The following OSTC variants were observed in gnomAD, a reference collection of about 807,000 sequenced individuals.
The protein encoded by OSTC is oligosaccharyltransferase complex non-catalytic subunit, also known as oligosaccharyltransferase complex subunit OSTC.
Under a neutral mutation model 16.4 loss-of-function variants are expected in OSTC, and 16 were observed. The ratio of observed to expected loss-of-function variants is 0.98; its 90% CI spans 0.66 to 1.49. OSTC has a LOEUF of 1.49. Among genes scored for constraint, OSTC ranks in the 40% most tolerant of loss-of-function variants. The pLI, the probability that OSTC is intolerant of heterozygous loss-of-function variation, is 0.00. For missense variants in OSTC, 139 were observed against 186.3 expected, an observed-to-expected ratio of 0.75 and a Z score of 1.48; for synonymous variants, 67 against 68.5, an observed-to-expected ratio of 0.98 and a Z score of 0.11.
At chr4:108,651,123 C>G (rs1243545079) in intron 1 of OSTC, 2 of 250,366 alleles carry the variant, frequency 8.0e-6, no homozygotes, top group South Asian at 1.1e-4. Flanking sequence ...GATAAATGTC[C>G]TGGGAAAGCC....
rs890757338 is a variant in OSTC, at chr4:108,667,337, C to G, written c.*72C>G. On this transcript the variant is annotated 3_prime_UTR_variant, in exon 4 of 4. Coordinates refer to ENST00000361564, the MANE Select transcript of OSTC (RefSeq NM_021227.4). ...ATGAAGTTTTAAAGGCTGTACCAAT[C>G]CTCTAATATGAAATGTGGAAAAGAA... The G allele has an allele frequency of 4.9e-6, 6 of 1,229,196 alleles. No individual in the cohort carries two copies. The highest frequency in any genetic ancestry group is 2.1e-5 in the Admixed American group (1 of 47,370). The allele number at this position is 1,229,196 out of a possible 1,614,324, so 76.1% of individuals were successfully genotyped here.
At chr4:108,662,673 A>T (rs1341058477) in intron 3 of OSTC, among the ~76,000 whole-genome samples, 1 of 152,208 alleles carries the variant, frequency 6.6e-6, no homozygotes, top group Non-Finnish European at 1.5e-5. Flanking sequence ...CTTTTAAATC[A>T]GTTCTGGCTG....
Position 108,667,299 on chromosome 4 carries a change from T to C in OSTC, c.*34T>C. 9 of 1,592,116 alleles carry C rather than the reference T, an allele frequency of 5.7e-6. No homozygotes were observed. The highest frequency in any genetic ancestry group is 7.7e-6 in the Non-Finnish European group (9 of 1,163,978). On this transcript the variant is annotated 3_prime_UTR_variant, in exon 4 of 4. Transcript: ENST00000361564. ...TGAGAAGAAATCAGTGGATACTGGA[T>C]TTGCTCCTGTCAATGAAGTTTTAAA... is the stretch of plus-strand genomic sequence containing the variant.
chr4:108,655,942 C>CT (rs939199344), intron 2 of OSTC, among the ~76,000 whole-genome samples: 3 of 151,138 alleles, frequency 2.0e-5, no homozygotes, highest in African/African-American at 7.3e-5. Context: ...ACTATAGCTG[C>CT]TTTTTTTTTC....
intron 3 of OSTC, 120 bp downstream of exon 3, chr4:108,657,767 C>T: frequency 1.1e-6 from 1 of 884,644 alleles, no homozygotes; most frequent in Middle Eastern, 2.8e-4. Context: ...AATCCAGAAA[C>T]CAAATATATT....
intron 3 of OSTC, among the ~76,000 whole-genome samples, chr4:108,662,768 A>G (rs1173312496): frequency 1.3e-5 from 2 of 152,160 alleles, no homozygotes; most frequent in East Asian, 3.8e-4. Context: ...TTGGAGCTAT[A>G]TTTTAGAGAG....
rs768676486 is a variant in OSTC, at chr4:108,650,606, C to T, written c.-50C>T. On this transcript the variant is annotated 5_prime_UTR_variant, in exon 1 of 4. Coordinates refer to ENST00000361564, the MANE Select transcript of OSTC (RefSeq NM_021227.4). ...TTGTTAGGGAGGGCGGGCCTGTTTC[C>T]GGGAGGCGCGTGGGGCTTGAGGCCG... is the stretch of plus-strand genomic sequence containing the variant. 4 of 1,604,788 alleles carry T rather than the reference C, an allele frequency of 2.5e-6. No homozygotes were observed. The Admixed American group carries it at 5.1e-5, about 20-fold the overall frequency.
intron 3 of OSTC, chr4:108,663,361 A>G (rs559776358): frequency 5.6e-6 from 2 of 356,772 alleles, no homozygotes; most frequent in African/African-American, 2.2e-5. Context: ...ACAGGCGCCC[A>G]CCACCATGCC....
chr4:108,655,773 G>A, intron 2 of OSTC, 116 bp downstream of exon 2: 1 of 676,594 alleles, frequency 1.5e-6, no homozygotes, highest in Non-Finnish European at 2.5e-6. Flanking sequence ...GACAACAGCT[G>A]TTTTAAAATG....
Position 108,655,671 on chromosome 4 carries a change from T to C in OSTC, c.233+14T>C, listed in dbSNP as rs1412659665. On this transcript the variant is annotated intron_variant, in intron 2 of 3. Coordinates refer to ENST00000361564, the MANE Select transcript of OSTC (RefSeq NM_021227.4). ...CTTGGCCTACAGGTAAAAGATACCT[T>C]TTTGAATGATTTGGTGGTGGGAAAG... 2 of 1,559,390 alleles carry C rather than the reference T, an allele frequency of 1.3e-6. No individual in the cohort carries two copies. The highest frequency in any genetic ancestry group is 1.1e-5 in the South Asian group (1 of 89,336).
At chr4:108,657,128 T>C (rs2110383348) in intron 2 of OSTC, among the ~76,000 whole-genome samples, 1 of 152,260 alleles carries the variant, frequency 6.6e-6, no homozygotes, top group South Asian at 2.1e-4. Context: ...AATATGAGTA[T>C]TTATTTTACA....
chr4:108,659,815 G>A (rs1275787168), intron 3 of OSTC, among the ~76,000 whole-genome samples: 1 of 152,066 alleles, frequency 6.6e-6, no homozygotes, highest in African/African-American at 2.4e-5. Flanking sequence ...CAAAACAAAA[G>A]AAACCTTTGG....
At chr4:108,665,551 T>TTTTG (rs1334571113) in intron 3 of OSTC, among the ~76,000 whole-genome samples, 1 of 102,936 alleles carries the variant, frequency 9.7e-6, no homozygotes, top group African/African-American at 3.7e-5. Context: ...TTTTGTTTTG[T>TTTTG]TTTGTTTTTT....
rs1726779797 is a variant in OSTC, at chr4:108,658,872, C to T, written c.431+1225C>T. 5.3e-5 allele frequency among the ~76,000 whole-genome samples: 8 copies of T among 151,798 alleles called. No homozygotes were observed. The South Asian group carries it at 1.7e-3, about 32-fold the overall frequency. The stretch of plus-strand genomic sequence containing the variant: ...GATGATCCCACAATCATCATGTTCC[C>T]ATTTTAGTCCTGGCAGGATGGGAGG... On this transcript the variant is annotated intron_variant, in intron 3 of 3. Transcript: ENST00000361564.
chr4:108,664,983 TTC>T (rs1560625852), intron 3 of OSTC, among the ~76,000 whole-genome samples: 1 of 152,176 alleles, frequency 6.6e-6, no homozygotes, highest in Non-Finnish European at 1.5e-5. Flanking sequence ...TAGATGAAAG[TTC>T]TCTTTACTCA....
intron 3 of OSTC, chr4:108,663,413 G>A (rs965778791): frequency 3.1e-5 from 10 of 323,356 alleles, no homozygotes; most frequent in South Asian, 9.1e-5. Flanking sequence ...GGGTTTCACC[G>A]TGTTAGCCAG....
chr4:108,664,617 C>T (rs1333590930), intron 3 of OSTC, among the ~76,000 whole-genome samples: 4 of 149,426 alleles, frequency 2.7e-5, no homozygotes, highest in Non-Finnish European at 4.4e-5. Flanking sequence ...TTGTGGGGGA[C>T]GGAGTCTGGC....
chr4:108,650,938 G>T lies in OSTC; in HGVS notation c.139+144G>T, dbSNP rs946821815. On this transcript the variant is annotated intron_variant, in intron 1 of 3. Coordinates refer to ENST00000361564, the MANE Select transcript of OSTC (RefSeq NM_021227.4). Reference sequence around the variant, plus strand: ...TCTGAGGGTGGAGGGGAGTTCTGGGGTCCGAAGTGTTAACGTCCAAGTTTA... The same window carrying T: ...TCTGAGGGTGGAGGGGAGTTCTGGGTTCCGAAGTGTTAACGTCCAAGTTTA... 53 of 1,214,850 alleles carry T rather than the reference G, an allele frequency of 4.4e-5. 1 individual carries two copies. Among genetic ancestry groups the T allele is most frequent in the Admixed American group, 1.6e-4 (6 of 37,944 alleles). 75.3% of individuals were successfully genotyped at this position (1,214,850 alleles called of 1,614,324 possible). A position where few individuals can be genotyped will look rare whatever the true frequency, so the allele number is the denominator to read the frequency against.
intron 3 of OSTC, among the ~76,000 whole-genome samples, chr4:108,666,711 C>CAA (rs34702666): frequency 0.81 from 82,196 of 101,696 alleles, 33,542 homozygotes; most frequent in East Asian, 0.96. Flanking sequence ...AACTCCATCT[C>CAA]AAAAAAAAAA....
Sources: gnomAD v4.1 joint callset for allele counts (sites outside exome capture counted in the v4.1 genomes callset) on GRCh38, gnomAD v4.1.1 for gene constraint, MANE v1.5 for transcripts, NCBI Gene and HGNC (gene_info 2026-07-23, HGNC 2026-07-21) for gene names.